Variants in DHDDS observed in about 807,000 individuals in gnomAD.
DHDDS encodes dehydrodolichyl diphosphate synthase complex subunit DHDDS.
In DHDDS, 16 loss-of-function variants were observed where a neutral mutation model predicts 46.2. The observed-to-expected ratio is 0.35, with a 90% CI of 0.23 to 0.53. The LOEUF is 0.53. Among genes scored for constraint, DHDDS ranks in the 20% least tolerant of loss-of-function variants. The pLI is 0.94. For missense variants in DHDDS, 340 were observed against 423.7 expected (o/e 0.80, Z 1.73); for synonymous variants, 151 against 163.1 (o/e 0.93, Z 0.56).
At chr1:26,460,282 T>C in intron 8 of DHDDS, 138 bp downstream of exon 8, 1 of 744,842 alleles carries the variant, frequency 1.3e-6, no homozygotes, top group South Asian at 1.5e-5. Flanking sequence ...ACCTACTGAG[T>C]ATCTACTACT....
intron 8 of DHDDS, among the ~76,000 whole-genome samples, chr1:26,461,734 T>G (rs752205612): frequency 7.9e-5 from 12 of 152,234 alleles, no homozygotes; most frequent in Non-Finnish European, 1.5e-4. Flanking sequence ...AATCTGCCCC[T>G]GAATCCCAAG....
Position 26,469,230 on chromosome 1 carries a change from A to G in DHDDS, c.*99A>G. 6.3e-7 allele frequency: 1 copy of G among 1,597,326 alleles called. No individual in the cohort carries two copies. Among genetic ancestry groups the G allele is most frequent in the Non-Finnish European group, 8.5e-7 (1 of 1,177,878 alleles). On this transcript the variant is annotated 3_prime_UTR_variant, in exon 9 of 9. Coordinates refer to ENST00000236342, the MANE Select transcript of DHDDS (RefSeq NM_205861.3). Reference sequence around the variant, plus strand: ...AAGGCACCTCCTTTCCTGATAATGAATGGTGTTCCCTTTGCTTGGCTGGGG... The same window carrying G: ...AAGGCACCTCCTTTCCTGATAATGAGTGGTGTTCCCTTTGCTTGGCTGGGG...
chr1:26,435,528 C>T (rs2075145591), intron 2 of DHDDS, among the ~76,000 whole-genome samples: 1 of 151,032 alleles, frequency 6.6e-6, no homozygotes, highest in Non-Finnish European at 1.5e-5. Context: ...ACCTCTGCCT[C>T]CCGGGTTCAA....
At chr1:26,447,515 T>C (rs550186277) in intron 5 of DHDDS, 44 bp from the exon 6 acceptor site, 2 of 1,510,062 alleles carry the variant, frequency 1.3e-6, no homozygotes, top group South Asian at 2.3e-5. Flanking sequence ...CAATCATCAG[T>C]CCCTGTCCCC....
At chr1:26,459,909 G>A in intron 7 of DHDDS, 128 bp from the exon 8 acceptor site, 1 of 777,926 alleles carries the variant, frequency 1.3e-6, no homozygotes, top group Non-Finnish European at 2.3e-6. Flanking sequence ...TACAGCTCAG[G>A]ATGCCTGTAA....
chr1:26,437,489 G>C (rs1462676078), intron 2 of DHDDS, among the ~76,000 whole-genome samples: 1 of 141,666 alleles, frequency 7.1e-6, no homozygotes, highest in South Asian at 2.2e-4. Flanking sequence ...TTTTTTTTTT[G>C]AGACAGAGTC....
intron 8 of DHDDS, among the ~76,000 whole-genome samples, chr1:26,460,886 A>AT (rs1557449285): frequency 6.6e-6 from 1 of 152,142 alleles, no homozygotes; most frequent in South Asian, 2.1e-4. Context: ...TTATTTATTT[A>AT]TTTTGAGATG....
intron 8 of DHDDS, among the ~76,000 whole-genome samples, 189 bp from the exon 9 acceptor site, chr1:26,468,706 G>C (rs1235473900): frequency 6.6e-6 from 1 of 152,108 alleles, no homozygotes; most frequent in Non-Finnish European, 1.5e-5. Flanking sequence ...AATTGCCACT[G>C]CCCTGCCTGT....
At chr1:26,466,636 A>G (rs976524030) in intron 8 of DHDDS, among the ~76,000 whole-genome samples, 2 of 152,148 alleles carry the variant, frequency 1.3e-5, no homozygotes, top group African/African-American at 4.8e-5. Flanking sequence ...GCTGGCATGC[A>G]CTCTGATGCC....
At chr1:26,453,830 C>T (rs960379612) in intron 6 of DHDDS, among the ~76,000 whole-genome samples, 3 of 152,124 alleles carry the variant, frequency 2.0e-5, no homozygotes, top group South Asian at 2.1e-4. Flanking sequence ...AAATCATTTC[C>T]GAAAAGTCTT....
chr1:26,446,535 G>C, intron 5 of DHDDS, 103 bp downstream of exon 5: 1 of 1,046,608 alleles, frequency 9.6e-7, no homozygotes, highest in Non-Finnish European at 1.5e-6. Context: ...TGGTGCAAGG[G>C]GCAATGAGAG....
intron 2 of DHDDS, among the ~76,000 whole-genome samples, chr1:26,437,073 G>A (rs1011530204): frequency 6.6e-5 from 10 of 151,912 alleles, no homozygotes; most frequent in Admixed American, 2.0e-4. Flanking sequence ...GGGAGGCTGA[G>A]GCAGGAGAAT....
Position 26,469,443 on chromosome 1 carries a change from C to G in DHDDS, c.*312C>G. On this transcript the variant is annotated 3_prime_UTR_variant, in exon 9 of 9. Transcript: ENST00000236342. ...CTCTTAGATGCACTTTCTTTTTCCA[C>G]CAGCACATCCTTCAACACACAGAAT... 2.1e-6 allele frequency: 1 copy of G among 474,012 alleles called. No individual in the cohort carries two copies. Among genetic ancestry groups the G allele is most frequent in the Non-Finnish European group, 3.9e-6 (1 of 256,086 alleles). 29.4% of individuals were successfully genotyped at this position (474,012 alleles called of 1,614,324 possible).
chr1:26,456,131 A>G lies in DHDDS; in HGVS notation c.543-1660A>G, dbSNP rs2075368132. On this transcript the variant is annotated intron_variant, in intron 6 of 8. Transcript: ENST00000236342. ...GCTCTTATCAAACACAGGAGAACTG[A>G]TCATATTGCTGTTTATTTAAAATCC... Among the ~76,000 whole-genome samples, 3 of 152,332 alleles carry G rather than the reference A, an allele frequency of 2.0e-5. No individual in the cohort carries two copies. The South Asian group carries it at 6.2e-4, about 32-fold the overall frequency.
chr1:26,446,369 T>G lies in DHDDS; in HGVS notation c.377T>G (p.Leu126Trp). 6.2e-7 allele frequency: 1 copy of G among 1,614,050 alleles called. No homozygotes were observed. The highest frequency in any genetic ancestry group is 8.5e-7 in the Non-Finnish European group (1 of 1,179,944). ...ATCCGGGTCCTGGGCGATCTGCACT[T>G]GTTGCCCTTGGATCTCCAGGAGCTG... is the stretch of plus-strand genomic sequence containing the variant. ...VCIRVLGDLH[L>W]LPLDLQELIA... The change falls in exon 5 of 9, where the codon TTG (leucine) becomes TGG (tryptophan). Residue 126 changes from leucine (L) to tryptophan (W), a missense_variant. Leu to Trp is a moderately conservative substitution (Grantham distance 61). Transcript: ENST00000236342.
Position 26,432,937 on chromosome 1 carries a change from A to C in DHDDS, c.-9A>C, listed in dbSNP as rs566212254. 6.2e-7 allele frequency: 1 copy of C among 1,614,142 alleles called. No homozygotes were observed. Among genetic ancestry groups the C allele is most frequent in the African/African-American group, 1.3e-5 (1 of 75,044 alleles). ...TGTTCTGGAGTGATCTTCTGACTGG[A>C]AAAGAACTATGTCATGGATCAAGGA... is the stretch of plus-strand genomic sequence containing the variant. On this transcript the variant is annotated 5_prime_UTR_variant, in exon 2 of 9. Transcript: ENST00000236342.
chr1:26,432,935 G>A lies in DHDDS; in HGVS notation c.-11G>A. 6.2e-7 allele frequency: 1 copy of A among 1,614,128 alleles called. No individual in the cohort carries two copies. The highest frequency in any genetic ancestry group is 8.5e-7 in the Non-Finnish European group (1 of 1,179,994). ...CTTGTTCTGGAGTGATCTTCTGACT[G>A]GAAAAGAACTATGTCATGGATCAAG... On this transcript the variant is annotated 5_prime_UTR_variant, in exon 2 of 9. Coordinates refer to ENST00000236342, the MANE Select transcript of DHDDS (RefSeq NM_205861.3).
chr1:26,463,592 C>A (rs1407628051), intron 8 of DHDDS, among the ~76,000 whole-genome samples: 1 of 151,428 alleles, frequency 6.6e-6, no homozygotes, highest in Non-Finnish European at 1.5e-5. Flanking sequence ...CTGCAACCTC[C>A]GCCTCCCAGG....
rs530747559 is a variant in DHDDS at position 26,442,303 on chromosome 1, A to T, written c.181-428A>T. Among the ~76,000 whole-genome samples, 44 of 152,348 alleles carry T rather than the reference A, an allele frequency of 2.9e-4. 1 individual carries two copies. The South Asian group carries it at 7.2e-3, about 25-fold the overall frequency. On this transcript the variant is annotated intron_variant, in intron 3 of 8. Coordinates refer to ENST00000236342, the MANE Select transcript of DHDDS (RefSeq NM_205861.3). The stretch of plus-strand genomic sequence containing the variant: ...GAATAATGAAGTTATGCTGTGAGTA[A>T]TAACACCTTGTGTTTTTATATTGTT...
Sources: gnomAD v4.1 joint callset for allele counts (sites outside exome capture counted in the v4.1 genomes callset) on GRCh38, gnomAD v4.1.1 for gene constraint, MANE v1.5 for transcripts, NCBI Gene and HGNC (gene_info 2026-07-23, HGNC 2026-07-21) for gene names.